The following FAM13B variants were observed in gnomAD, a reference collection of about 807,000 sequenced individuals.
FAM13B encodes the protein family with sequence similarity 13 member B, also known as protein FAM13B.
A neutral mutation model predicts 117.3 loss-of-function variants in FAM13B; 60 were observed. The ratio of observed to expected loss-of-function variants is 0.51; its 90% CI spans 0.42 to 0.63. The LOEUF (loss-of-function observed/expected upper bound fraction) is 0.63, where lower values mean the gene tolerates loss of function less well. FAM13B is among the 30% of genes least tolerant of loss of function. The pLI, the probability that FAM13B is intolerant of heterozygous loss-of-function variation, is 0.00. For missense variants in FAM13B, 972 were observed against 1,091.9 expected (o/e 0.89, Z 1.55); for synonymous variants, 332 against 356.1 (o/e 0.93, Z 0.76).
intron 9 of FAM13B, 51 bp from the exon 10 acceptor site, chr5:137,985,440 GC>G (rs1384261388): frequency 1.9e-6 from 3 of 1,544,062 alleles, no homozygotes; most frequent in South Asian, 2.4e-5. Flanking sequence ...AGTGTGTAAT[GC>G]CTTTACTTTA....
chr5:137,987,481 A>G lies in FAM13B; in HGVS notation c.1026T>C (p.Asp342=), dbSNP rs1411538479. ...CNNEAESIHC[D]GEGSNNQIDI... ...CTTACTGGTTATTAGATCCTTCCCC[A>G]TCACAATGAATACTTTCTGCTTCAT... Residue 342 remains aspartate (D), a synonymous_variant, in exon 9 of 24, where the codon GAT becomes GAC. Coordinates refer to ENST00000689681, the MANE Select transcript of FAM13B (RefSeq NM_001385994.1). The G allele has an allele frequency of 6.2e-7, 1 of 1,611,350 alleles. No homozygotes were observed. The highest frequency in any genetic ancestry group is 8.5e-7 in the Non-Finnish European group (1 of 1,178,848).
chr5:137,956,050 C>T (rs962957714), intron 14 of FAM13B, among the ~76,000 whole-genome samples: 3 of 152,076 alleles, frequency 2.0e-5, no homozygotes, highest in Non-Finnish European at 2.9e-5. Context: ...TTTCTTTTTC[C>T]TCACACAATA....
chr5:137,968,602 G>A (rs1176117413), intron 10 of FAM13B, among the ~76,000 whole-genome samples: 2 of 152,090 alleles, frequency 1.3e-5, no homozygotes, highest in African/African-American at 4.8e-5. Flanking sequence ...TGTGGGGGGA[G>A]GAGCCAAGAT....
At chr5:137,980,065 C>T in intron 10 of FAM13B, among the ~76,000 whole-genome samples, 1 of 143,792 alleles carries the variant, frequency 7.0e-6, no homozygotes, top group East Asian at 2.0e-4. Flanking sequence ...CCCAGGTACA[C>T]AAGAGGCTGA....
intron 1 of FAM13B, among the ~76,000 whole-genome samples, chr5:138,030,717 C>CA (rs1190631048): frequency 4.9e-5 from 7 of 142,584 alleles, no homozygotes; most frequent in Admixed American, 2.1e-4. Context: ...TCCGTCCCCC[C>CA]CCCCCAAAAA....
intron 15 of FAM13B, 99 bp downstream of exon 15, chr5:137,954,060 TGAGATGG>T: frequency 1.9e-6 from 1 of 523,716 alleles, no homozygotes; most frequent in South Asian, 3.6e-5. Flanking sequence ...TTTTTTTTTT[TGAGATGG>T]AGTTTCACTA....
In FAM13B at chr5:137,995,119, T is replaced by A. The variant is rs141452159; in HGVS notation, c.849-6804A>T. ...AGCACAGTAAAGGAAGGTGATAGGC[T>A]TATAAAAACTGCTGAGCAATTATTA... On this transcript the variant is annotated intron_variant, in intron 7 of 23. Coordinates refer to ENST00000689681, the MANE Select transcript of FAM13B (RefSeq NM_001385994.1). Among the ~76,000 whole-genome samples the A allele has an allele frequency of 3.9e-3, 600 of 152,264 alleles. 3 individuals are homozygous for A. The highest frequency in any genetic ancestry group is 0.011 in the African/African-American group (464 of 41,542).
intron 4 of FAM13B, among the ~76,000 whole-genome samples, chr5:138,016,462 A>G (rs1414411884): frequency 7.9e-5 from 12 of 152,084 alleles, no homozygotes; most frequent in African/African-American, 2.2e-4. Context: ...TTGTCTCTAC[A>G]AAACATAAAA....
intron 1 of FAM13B, among the ~76,000 whole-genome samples, chr5:138,025,205 G>T (rs1231696172): frequency 6.6e-6 from 1 of 150,584 alleles, no homozygotes; most frequent in Non-Finnish European, 1.5e-5. Context: ...GCCTAGCATG[G>T]TGTTATTGAC....
At chr5:138,036,529 GC>G (rs1444077580), upstream of FAM13B, 1 of 456,610 alleles carries the variant, frequency 2.2e-6, no homozygotes, top group East Asian at 6.9e-5. Context: ...TCCATTGAAG[GC>G]CCACTCCCTC....
At chr5:138,050,583 T>C (rs2151134171) in intron 1 of FAM13B, among the ~76,000 whole-genome samples, 1 of 152,340 alleles carries the variant, frequency 6.6e-6, no homozygotes. Context: ...AGAGATTGCC[T>C]TGCCTCTTCC....
At chr5:137,975,285 C>G (rs915352696) in intron 10 of FAM13B, among the ~76,000 whole-genome samples, 6 of 152,166 alleles carry the variant, frequency 3.9e-5, no homozygotes, top group Admixed American at 2.6e-4. Context: ...AAACTTCATT[C>G]TAAATTTCTA....
chr5:138,047,615 T>G (rs1791680859), intron 1 of FAM13B, among the ~76,000 whole-genome samples: 1 of 152,224 alleles, frequency 6.6e-6, no homozygotes, highest in African/African-American at 2.4e-5. Flanking sequence ...GTTGCTCAAC[T>G]GACCCAGAGA....
At chr5:137,966,488 TAGAGAGAG>T (rs57142324) in intron 10 of FAM13B, among the ~76,000 whole-genome samples, 56 of 29,476 alleles carry the variant, frequency 1.9e-3, no homozygotes, top group Admixed American at 6.4e-3. Context: ...TATATATATA[TAGAGAGAG>T]AGAGAGAGAG....
At chr5:137,945,185 G>C (rs1031551613) in intron 20 of FAM13B, among the ~76,000 whole-genome samples, 1 of 151,958 alleles carries the variant, frequency 6.6e-6, no homozygotes, top group African/African-American at 2.4e-5. Flanking sequence ...CATAAAAATA[G>C]CCTGAAAGCC....
intron 1 of FAM13B, among the ~76,000 whole-genome samples, chr5:138,050,427 A>C (rs1325955634): frequency 1.4e-5 from 2 of 140,750 alleles, no homozygotes; most frequent in Non-Finnish European, 1.5e-5. Context: ...ACAAGAATGA[A>C]ACTCCGTCTC....
Position 138,033,068 on chromosome 5 carries a change from A to G in FAM13B, c.-489T>C, listed in dbSNP as rs1581318232. The G allele has an allele frequency of 1.0e-6, 1 of 970,034 alleles. No homozygotes were observed. The allele number at this position is 970,034 out of a possible 1,614,324, so 60.1% of individuals were successfully genotyped here. ...CAGAGCCTCCCTAACGGCGAGCGGG[A>G]GGAGAGCGGCTGGCGGGCGGAGGCC... is the stretch of plus-strand genomic sequence containing the variant. On this transcript the variant is annotated 5_prime_UTR_variant, in exon 1 of 24. Transcript: ENST00000689681.
At chr5:137,963,102 ACT>A (rs1768639485) in intron 10 of FAM13B, among the ~76,000 whole-genome samples, 1 of 151,970 alleles carries the variant, frequency 6.6e-6, no homozygotes, top group Non-Finnish European at 1.5e-5. Context: ...TACTTCCTAG[ACT>A]CTCTGATTCT....
chr5:137,984,670 C>A (rs1041979907), intron 10 of FAM13B, among the ~76,000 whole-genome samples: 1 of 152,130 alleles, frequency 6.6e-6, no homozygotes, highest in Non-Finnish European at 1.5e-5. Flanking sequence ...CTAAGAAATA[C>A]GGAAGCTGTC....
Sources: gnomAD v4.1 joint callset for allele counts (sites outside exome capture counted in the v4.1 genomes callset) on GRCh38, gnomAD v4.1.1 for gene constraint, MANE v1.5 for transcripts, NCBI Gene and HGNC (gene_info 2026-07-23, HGNC 2026-07-21) for gene names.